ITSN1: variants seen among roughly 807,000 people sequenced by gnomAD.
ITSN1 encodes the protein intersectin 1, also known as intersectin-1.
Under a neutral mutation model 239.8 loss-of-function variants are expected in ITSN1, and 58 were observed. That is an observed-to-expected ratio of 0.24 (90% confidence interval 0.20 to 0.30). The LOEUF (loss-of-function observed/expected upper bound fraction) is 0.30, where lower values mean the gene tolerates loss of function less well. Among genes scored for constraint, ITSN1 ranks in the 10% least tolerant of loss-of-function variants. ITSN1 has a pLI of 1.00. For synonymous variants in ITSN1, 780 were observed against 770.8 expected (o/e 1.01, Z -0.20); for missense variants, 1,558 against 2,103.3 (o/e 0.74, Z 5.07).
rs572735172 is a variant in ITSN1 at position 33,895,366 on chromosome 21, G to A, written c.*7066G>A. On this transcript the variant is annotated 3_prime_UTR_variant, in exon 40 of 40. Coordinates refer to ENST00000381318, the MANE Select transcript of ITSN1 (RefSeq NM_003024.3). ...TTGACTTCTGGAATTTTAGGTGGAA[G>A]GGAATTTTTGTTGGTGGGACGCAGC... 1 of 152,644 alleles carries A rather than the reference G, an allele frequency of 6.6e-6. No individual in the cohort carries two copies. Among genetic ancestry groups the A allele is most frequent in the African/African-American group, 2.4e-5 (1 of 41,564 alleles). The allele number at this position is 152,644 out of a possible 1,614,324, so 9.5% of individuals were successfully genotyped here.
chr21:33,783,622 AC>A (rs1480681026), intron 16 of ITSN1, among the ~76,000 whole-genome samples: 3 of 152,272 alleles, frequency 2.0e-5, no homozygotes, highest in African/African-American at 7.2e-5. Context: ...AAACAAAAAA[AC>A]AAAAAAGAAT....
intron 5 of ITSN1, among the ~76,000 whole-genome samples, chr21:33,737,294 C>T (rs2066560849): frequency 1.3e-5 from 2 of 152,316 alleles, no homozygotes; most frequent in Non-Finnish European, 2.9e-5. Context: ...GGATTTCTGA[C>T]CTAATACTCT....
chr21:33,691,529 C>T (rs2091548519), intron 1 of ITSN1, among the ~76,000 whole-genome samples: 1 of 152,112 alleles, frequency 6.6e-6, no homozygotes, highest in Non-Finnish European at 1.5e-5. Context: ...GAATTACAGT[C>T]AAGTAGCAGA....
chr21:33,778,817 A>G (rs1047464530), intron 14 of ITSN1, among the ~76,000 whole-genome samples: 1 of 140,892 alleles, frequency 7.1e-6, no homozygotes, highest in African/African-American at 3.2e-5. Context: ...TGACCTCGTG[A>G]TCCGCCCGCC....
chr21:33,697,017 A>T (rs370931775), intron 1 of ITSN1, among the ~76,000 whole-genome samples: 1 of 151,580 alleles, frequency 6.6e-6, no homozygotes, highest in Non-Finnish European at 1.5e-5. Context: ...TCCTTTATGT[A>T]TGGGCTTTGC....
intron 1 of ITSN1, among the ~76,000 whole-genome samples, chr21:33,689,988 A>T (rs1256285300): frequency 6.9e-6 from 1 of 145,250 alleles, no homozygotes; most frequent in Non-Finnish European, 1.5e-5. Context: ...AAAAATAATT[A>T]AAAAAAAAAA....
At chr21:33,727,806 C>A (rs575314946) in intron 4 of ITSN1, among the ~76,000 whole-genome samples, 2 of 151,984 alleles carry the variant, frequency 1.3e-5, no homozygotes, top group South Asian at 4.2e-4. Flanking sequence ...AGTCCATCAA[C>A]GTAATTGCAT....
intron 19 of ITSN1, among the ~76,000 whole-genome samples, chr21:33,802,160 G>A (rs1463585773): frequency 1.3e-5 from 2 of 152,058 alleles, no homozygotes; most frequent in Admixed American, 1.3e-4. Context: ...GAAGCAGCTC[G>A]CTCTCATCCT....
intron 34 of ITSN1, among the ~76,000 whole-genome samples, chr21:33,877,074 A>ATTTTTTTTTTTTTTTT: frequency 8.0e-6 from 1 of 125,522 alleles, no homozygotes; most frequent in African/African-American, 3.1e-5. Flanking sequence ...TTTTTTTTGA[A>ATTTTTTTTTTTTTTTT]ATGGAGTCTC....
intron 33 of ITSN1, among the ~76,000 whole-genome samples, chr21:33,872,640 TC>T (rs1357634457): frequency 6.6e-6 from 1 of 152,180 alleles, no homozygotes; most frequent in African/African-American, 2.4e-5. Flanking sequence ...CAAGTGATTC[TC>T]CTGCCTCACC....
intron 33 of ITSN1, among the ~76,000 whole-genome samples, chr21:33,869,035 C>A (rs1982249983): frequency 6.6e-6 from 1 of 152,100 alleles, no homozygotes; most frequent in South Asian, 2.1e-4. Flanking sequence ...GCCTTTCTCC[C>A]TTGACTCTTT....
In ITSN1 at chr21:33,735,221, A is replaced by T; in HGVS notation, c.346+17A>T. On this transcript the variant is annotated intron_variant, in intron 5 of 39. Transcript: ENST00000381318. ...CAGCATTTGGTAAGTCTGAAAATGAATTGGTTTCTGTATTTTCTTGTATAT... is the reference window on the plus strand; with the variant it reads ...CAGCATTTGGTAAGTCTGAAAATGATTTGGTTTCTGTATTTTCTTGTATAT... The T allele has an allele frequency of 6.2e-7, 1 of 1,608,920 alleles. No homozygotes were observed. Among genetic ancestry groups the T allele is most frequent in the South Asian group, 1.1e-5 (1 of 90,018 alleles).
At chr21:33,688,837 G>A (rs1409098500) in intron 1 of ITSN1, among the ~76,000 whole-genome samples, 2 of 147,926 alleles carry the variant, frequency 1.4e-5, no homozygotes, top group Non-Finnish European at 3.0e-5. Context: ...ATGGAGTTTC[G>A]CTCCTGTCAC....
chr21:33,895,425 G>C lies in ITSN1; in HGVS notation c.*7125G>C, dbSNP rs1986656020. 6.6e-6 allele frequency: 1 copy of C among 152,134 alleles called. No homozygotes were observed. The allele number at this position is 152,134 out of a possible 1,614,324, so 9.4% of individuals were successfully genotyped here. A position where few individuals can be genotyped will look rare whatever the true frequency, so the allele number is the denominator to read the frequency against. ...GCGTGGTGTGTGCATGCGTGTTTGTGCGTGCGTGTGCATGTATGTGTTTGT... is the reference window on the plus strand; with the variant it reads ...GCGTGGTGTGTGCATGCGTGTTTGTCCGTGCGTGTGCATGTATGTGTTTGT... On this transcript the variant is annotated 3_prime_UTR_variant, in exon 40 of 40. Coordinates refer to ENST00000381318, the MANE Select transcript of ITSN1 (RefSeq NM_003024.3).
At chr21:33,743,836 G>A (rs1419588950) in intron 5 of ITSN1, among the ~76,000 whole-genome samples, 1 of 152,184 alleles carries the variant, frequency 6.6e-6, no homozygotes, top group Non-Finnish European at 1.5e-5. Context: ...AGAAAATGGA[G>A]TAACATATTT....
chr21:33,725,669 A>C (rs757423820), intron 4 of ITSN1, among the ~76,000 whole-genome samples: 2 of 152,156 alleles, frequency 1.3e-5, no homozygotes, highest in Non-Finnish European at 2.9e-5. Flanking sequence ...TTTTATAATG[A>C]CTATGTATAT....
At chr21:33,884,896 A>ACATAAAAT in intron 36 of ITSN1, 145 bp from the exon 37 acceptor site, 1 of 639,450 alleles carries the variant, frequency 1.6e-6, no homozygotes, top group Non-Finnish European at 2.8e-6. Context: ...GCGTCACGTG[A>ACATAAAAT]CATAAAATCA....
intron 1 of ITSN1, among the ~76,000 whole-genome samples, chr21:33,701,809 C>T (rs1244597804): frequency 5.3e-5 from 8 of 151,156 alleles, no homozygotes; most frequent in Admixed American, 2.0e-4. Flanking sequence ...AAAAAAAGGC[C>T]GGAATCCTAG....
intron 23 of ITSN1, 58 bp from the exon 24 acceptor site, chr21:33,819,183 A>G: frequency 3.1e-6 from 4 of 1,303,350 alleles, no homozygotes; most frequent in Non-Finnish European, 3.3e-6. Context: ...AATCAGTGTC[A>G]TTGTACGATT....
Sources: gnomAD v4.1 joint callset for allele counts (sites outside exome capture counted in the v4.1 genomes callset) on GRCh38, gnomAD v4.1.1 for gene constraint, MANE v1.5 for transcripts, NCBI Gene and HGNC (gene_info 2026-07-23, HGNC 2026-07-21) for gene names.